PCDHGA6: variants seen among roughly 807,000 people sequenced by gnomAD.
The protein encoded by PCDHGA6 is protocadherin gamma subfamily A, 6.
PCDHGA6 carries 41 observed loss-of-function variants against 60.6 expected under a neutral mutation model. The observed-to-expected ratio is 0.68, with a 90% CI of 0.53 to 0.88. PCDHGA6 has a LOEUF of 0.88. PCDHGA6 is among the 40% of genes least tolerant of loss of function. The probability of loss-of-function intolerance (pLI) is 0.00; values close to 1 mark genes in which losing one functional copy is unlikely to be tolerated. For synonymous variants in PCDHGA6, 594 were observed against 524.4 expected, an observed-to-expected ratio of 1.13 and a Z score of -1.81; for missense variants, 1,312 against 1,203.0, an observed-to-expected ratio of 1.09 and a Z score of -1.34.
chr5:141,501,947 T>A (rs2099811963), intron 2 of PCDHGA6, among the ~76,000 whole-genome samples: 1 of 152,152 alleles, frequency 6.6e-6, no homozygotes, highest in Non-Finnish European at 1.5e-5. Context: ...CTGCTCCCTG[T>A]GACAGGTCAT....
At chr5:141,389,577 C>A in intron 1 of PCDHGA6, 1 of 1,613,244 alleles carries the variant, frequency 6.2e-7, no homozygotes. Context: ...GTACCCCGCG[C>A]TGGGTCCCGA....
At chr5:141,504,378 C>T (rs2099837786) in intron 2 of PCDHGA6, among the ~76,000 whole-genome samples, 1 of 152,052 alleles carries the variant, frequency 6.6e-6, no homozygotes, top group Non-Finnish European at 1.5e-5. Flanking sequence ...CAGGTGGAGT[C>T]GCTGCCTCAC....
intron 1 of PCDHGA6, chr5:141,398,694 T>A: frequency 6.2e-7 from 1 of 1,613,868 alleles, no homozygotes; most frequent in Non-Finnish European, 8.5e-7. Context: ...AGGATGGTAG[T>A]AAATACCCGG....
At chr5:141,393,211 T>G (rs1310978287) in intron 1 of PCDHGA6, 3 of 1,613,502 alleles carry the variant, frequency 1.9e-6, no homozygotes, top group Non-Finnish European at 1.7e-6. Flanking sequence ...AACCCAAAAT[T>G]CCAGGTCGAA....
At chr5:141,494,583 G>A (rs2099755431) in intron 1 of PCDHGA6, among the ~76,000 whole-genome samples, 1 of 152,152 alleles carries the variant, frequency 6.6e-6, no homozygotes, top group Non-Finnish European at 1.5e-5. Flanking sequence ...CTTGCTCACT[G>A]TGGTCAGATG....
chr5:141,474,993 C>A (rs1313232385), intron 1 of PCDHGA6, among the ~76,000 whole-genome samples: 24 of 152,324 alleles, frequency 1.6e-4, no homozygotes. Context: ...GACAACAATT[C>A]TAAATGCAGA....
intron 1 of PCDHGA6, chr5:141,423,124 C>T (rs748586131): frequency 1.9e-6 from 3 of 1,613,778 alleles, no homozygotes; most frequent in Non-Finnish European, 1.7e-6. Context: ...AGCGCGGGCA[C>T]TGCTGGACAG....
At chr5:141,382,737 A>G (rs1186872738) in intron 1 of PCDHGA6, 2 of 571,884 alleles carry the variant, frequency 3.5e-6, no homozygotes, top group African/African-American at 3.7e-5. Context: ...GCACAGAGAA[A>G]CGACAGATTG....
chr5:141,454,796 A>ATTTTTTTT (rs61612330), intron 1 of PCDHGA6, among the ~76,000 whole-genome samples: 1,488 of 77,444 alleles, frequency 0.019, 251 homozygotes, highest in African/African-American at 0.042. Flanking sequence ...CATGGTTCTA[A>ATTTTTTTT]TTTTTTTTTT....
Position 141,375,536 on chromosome 5 carries a change from G to T in PCDHGA6, c.1453G>T (p.Ala485Ser). The change falls in exon 1 of 4, where the codon GCC becomes TCC. Residue 485 changes from alanine (A) to serine (S), a missense_variant. Physicochemically the swap from Ala to Ser is moderately conservative, Grantham distance 99. Transcript: ENST00000517434. ...ACTGGACCCTGACGTGGACCAGAAC[G>T]CCCAAGTCTCCTACTCACTGGCAGA... ...NALDPDVDQN[A>S]QVSYSLAEDT... The T allele has an allele frequency of 6.2e-7, 1 of 1,613,972 alleles. No homozygotes were observed. The highest frequency in any genetic ancestry group is 8.5e-7 in the Non-Finnish European group (1 of 1,179,934).
intron 1 of PCDHGA6, chr5:141,411,396 C>G (rs985023346): frequency 2.1e-5 from 3 of 145,420 alleles, no homozygotes; most frequent in African/African-American, 5.1e-5. Context: ...ATAGGGAGAC[C>G]CCCCATCTCT....
intron 1 of PCDHGA6, among the ~76,000 whole-genome samples, chr5:141,461,119 C>T (rs959427669): frequency 6.6e-6 from 1 of 152,016 alleles, no homozygotes; most frequent in Admixed American, 6.6e-5. Flanking sequence ...GTGTCTTTTT[C>T]ATATAATTAC....
rs1487300196 is a variant in PCDHGA6, at chr5:141,375,248, A to G, written c.1165A>G (p.Ser389Gly). Residue 389 changes from serine to glycine, a missense_variant, in exon 1 of 4, where the codon AGT becomes GGT. Coordinates refer to ENST00000517434, the MANE Select transcript of PCDHGA6 (RefSeq NM_018919.3). ...NGLVTCSIPR[S>G]LPFELEKSVG... The stretch of plus-strand genomic sequence containing the variant: ...CCTGGTAACCTGTTCCATCCCGAGA[A>G]GTCTCCCATTTGAATTGGAAAAATC... The G allele has an allele frequency of 1.2e-6, 2 of 1,613,948 alleles. No homozygotes were observed. Among genetic ancestry groups the G allele is most frequent in the South Asian group, 2.2e-5 (2 of 91,082 alleles).
In PCDHGA6 at chr5:141,486,269, G is replaced by T; in HGVS notation, c.2425-8538G>T. 6.2e-7 allele frequency: 1 copy of T among 1,613,996 alleles called. No homozygotes were observed. The highest frequency in any genetic ancestry group is 8.5e-7 in the Non-Finnish European group (1 of 1,179,956). On this transcript the variant is annotated intron_variant, in intron 1 of 3. Transcript: ENST00000517434. The surrounding 1 kb of genome is among the most constrained non-coding windows in gnomAD (Gnocchi z 5.0). ...AACCCTCCCCGAGAGTGCAGAACCT[G>T]GCACTGTGGTGGCACTTATCAGTGT...
At chr5:141,390,532 T>C (rs1413146925) in intron 1 of PCDHGA6, 1 of 531,632 alleles carries the variant, frequency 1.9e-6, no homozygotes, top group Admixed American at 3.5e-5. Context: ...GGTGTGGTTT[T>C]AACCACAAAG....
At chr5:141,405,002 C>G in intron 1 of PCDHGA6, 2 of 1,613,988 alleles carry the variant, frequency 1.2e-6, no homozygotes, top group Non-Finnish European at 1.7e-6. Context: ...CCCTGCAGAC[C>G]TGGAGGCCTC....
At position 141,409,627 on chromosome 5, in the gene PCDHGA6, C is replaced by A. The variant is rs761778894; in HGVS notation, c.2424+33120C>A. ...CAGGAGCCTCCATTGCGCAAGTGAG[C>A]GCCTCTGACCCGGATTTGGGGCTCA... On this transcript the variant is annotated intron_variant, in intron 1 of 3. Coordinates refer to ENST00000517434, the MANE Select transcript of PCDHGA6 (RefSeq NM_018919.3). 5.0e-5 allele frequency: 80 copies of A among 1,613,716 alleles called. No individual in the cohort carries two copies. The Admixed American group carries it at 1.2e-3, about 24-fold the overall frequency.
At chr5:141,500,223 T>TTG (rs1227708024) in intron 2 of PCDHGA6, among the ~76,000 whole-genome samples, 1 of 145,320 alleles carries the variant, frequency 6.9e-6, no homozygotes, top group Non-Finnish European at 1.5e-5. Flanking sequence ...TTTATTTATT[T>TTG]ATTGATACGT....
In PCDHGA6 at chr5:141,477,605, T is replaced by A. The variant is rs1339408637; in HGVS notation, c.2425-17202T>A. On this transcript the variant is annotated intron_variant, in intron 1 of 3. Transcript: ENST00000517434. This position sits in a 1 kb window ranked among gnomAD's most constrained non-coding sequence, Gnocchi z 4.9. ...GAATGCTCGGCTTTCTTTCTTTCTCTTGGAGCAAGGAGCTGAAACCGGGCT... is the reference window on the plus strand; with the variant it reads ...GAATGCTCGGCTTTCTTTCTTTCTCATGGAGCAAGGAGCTGAAACCGGGCT... The A allele has an allele frequency of 6.2e-6, 10 of 1,614,102 alleles. No individual in the cohort carries two copies. In the South Asian group the frequency reaches 1.1e-4, roughly 18 times the overall value.
Sources: gnomAD v4.1 joint callset for allele counts (sites outside exome capture counted in the v4.1 genomes callset) on GRCh38, gnomAD v4.1.1 for gene constraint, Gnocchi (gnomAD v3.1) non-coding constraint, MANE v1.5 for transcripts, NCBI Gene and HGNC (gene_info 2026-07-23, HGNC 2026-07-21) for gene names.